The following THSD7B variants were observed in gnomAD, a reference collection of about 807,000 sequenced individuals.
THSD7B encodes thrombospondin type 1 domain containing 7B, also known as thrombospondin type-1 domain-containing protein 7B.
In THSD7B, 138 loss-of-function variants were observed where a neutral mutation model predicts 213.6. The observed-to-expected ratio is 0.65, with a 90% CI of 0.56 to 0.74. The LOEUF (loss-of-function observed/expected upper bound fraction) is 0.74. THSD7B is among the 30% of genes least tolerant of loss of function. The pLI, the probability that THSD7B is intolerant of heterozygous loss-of-function variation, is 0.00. For synonymous variants in THSD7B, 742 were observed against 687.0 expected (o/e 1.08, Z -1.25); for missense variants, 1,931 against 1,991.5 (o/e 0.97, Z 0.58).
chr2:137,575,517 A>C (rs1681440008), intron 17 of THSD7B, among the ~76,000 whole-genome samples: 1 of 152,058 alleles, frequency 6.6e-6, no homozygotes, highest in Non-Finnish European at 1.5e-5. Context: ...CTGACCTGAC[A>C]GTAACTACCA....
At chr2:137,471,886 A>C (rs1387213844) in intron 15 of THSD7B, among the ~76,000 whole-genome samples, 1 of 152,180 alleles carries the variant, frequency 6.6e-6, no homozygotes, top group Non-Finnish European at 1.5e-5. Context: ...ATTTATAATG[A>C]AACTTGTTCT....
intron 12 of THSD7B, among the ~76,000 whole-genome samples, chr2:137,310,004 T>C (rs1683854837): frequency 6.6e-6 from 1 of 151,548 alleles, no homozygotes; most frequent in Non-Finnish European, 1.5e-5. Context: ...TGATTTATAG[T>C]CCTTTGGGTA....
At chr2:137,074,576 C>T (rs1440538444) in intron 3 of THSD7B, among the ~76,000 whole-genome samples, 1 of 152,072 alleles carries the variant, frequency 6.6e-6, no homozygotes, top group Non-Finnish European at 1.5e-5. Flanking sequence ...GAGCGTTTAG[C>T]CCATTTACAT....
At chr2:137,119,821 G>C (rs1688516060) in intron 5 of THSD7B, among the ~76,000 whole-genome samples, 2 of 152,078 alleles carry the variant, frequency 1.3e-5, no homozygotes, top group African/African-American at 4.8e-5. Flanking sequence ...ATGTGTAAAT[G>C]TATCTGACTA....
At chr2:136,793,636 G>A (rs777878086) in intron 1 of THSD7B, among the ~76,000 whole-genome samples, 43 of 151,832 alleles carry the variant, frequency 2.8e-4, no homozygotes, top group Non-Finnish European at 5.0e-4. Flanking sequence ...TCTTGATCAT[G>A]TTGTGTCATC....
intron 15 of THSD7B, among the ~76,000 whole-genome samples, chr2:137,469,592 A>G (rs1688054723): frequency 6.6e-6 from 1 of 152,200 alleles, no homozygotes; most frequent in Middle Eastern, 3.2e-3. Context: ...AGCAGATGTT[A>G]TAAAAGAAAC....
chr2:137,577,406 T>C (rs1573720230), intron 17 of THSD7B, among the ~76,000 whole-genome samples: 1 of 152,134 alleles, frequency 6.6e-6, no homozygotes, highest in East Asian at 1.9e-4. Flanking sequence ...TCTTACACAG[T>C]CTGATTTCTT....
At chr2:137,606,108 C>A (rs1445871619) in intron 17 of THSD7B, among the ~76,000 whole-genome samples, 1 of 152,162 alleles carries the variant, frequency 6.6e-6, no homozygotes, top group South Asian at 2.1e-4. Context: ...GATATTGGCA[C>A]ATTTTCTAAC....
intron 17 of THSD7B, among the ~76,000 whole-genome samples, chr2:137,598,506 T>C (rs1181365182): frequency 2.0e-5 from 3 of 152,218 alleles, no homozygotes; most frequent in Non-Finnish European, 4.4e-5. Flanking sequence ...ACATTTACAC[T>C]GGCTTGTACA....
At chr2:137,672,181 AAT>A (rs1683592534) in intron 27 of THSD7B, among the ~76,000 whole-genome samples, 1 of 152,216 alleles carries the variant, frequency 6.6e-6, no homozygotes, top group African/African-American at 2.4e-5. Flanking sequence ...AAAAAAATCT[AAT>A]ATTTATATGT....
chr2:137,274,758 A>G (rs2104809677), intron 11 of THSD7B, among the ~76,000 whole-genome samples: 1 of 152,212 alleles, frequency 6.6e-6, no homozygotes, highest in East Asian at 1.9e-4. Context: ...AAAATCCCTT[A>G]CCTTTTGGCT....
intron 24 of THSD7B, 45 bp downstream of exon 24, chr2:137,657,205 G>T (rs768655795): frequency 1.3e-6 from 2 of 1,559,778 alleles, no homozygotes; most frequent in South Asian, 1.1e-5. Flanking sequence ...AAACACCCCT[G>T]AGTGTTGTTA....
At chr2:137,219,164 G>C (rs925915609) in intron 7 of THSD7B, among the ~76,000 whole-genome samples, 1 of 152,028 alleles carries the variant, frequency 6.6e-6, no homozygotes, top group African/African-American at 2.4e-5. Context: ...CTAGTCATTA[G>C]ACCCCTGCCA....
intron 10 of THSD7B, among the ~76,000 whole-genome samples, chr2:137,266,456 AGTTTT>A (rs1384275368): frequency 2.0e-5 from 3 of 152,152 alleles, no homozygotes; most frequent in Non-Finnish European, 4.4e-5. Flanking sequence ...GGATGGGTTC[AGTTTT>A]GTTTTTGAGT....
intron 2 of THSD7B, among the ~76,000 whole-genome samples, chr2:136,966,309 C>T (rs1685312651): frequency 6.6e-6 from 1 of 152,054 alleles, no homozygotes; most frequent in Admixed American, 6.6e-5. Context: ...CCTCAGCCCA[C>T]CAGCCTCAAG....
chr2:137,632,184 C>G (rs1573754928), intron 20 of THSD7B, among the ~76,000 whole-genome samples: 1 of 151,946 alleles, frequency 6.6e-6, no homozygotes, highest in East Asian at 1.9e-4. Context: ...GGGTTGCATG[C>G]TATATCACTA....
intron 16 of THSD7B, among the ~76,000 whole-genome samples, chr2:137,564,931 C>A (rs1416270677): frequency 6.6e-6 from 1 of 152,202 alleles, no homozygotes; most frequent in East Asian, 1.9e-4. Flanking sequence ...AGAAGGTGAC[C>A]ATTTGGAAAT....
intron 2 of THSD7B, among the ~76,000 whole-genome samples, chr2:137,024,079 A>G (rs1208022031): frequency 6.6e-6 from 1 of 152,140 alleles, no homozygotes; most frequent in African/African-American, 2.4e-5. Flanking sequence ...ATTTGTTGAA[A>G]AGTCCCTCCT....
At chr2:136,891,675 C>T (rs918472167) in intron 2 of THSD7B, among the ~76,000 whole-genome samples, 4 of 152,196 alleles carry the variant, frequency 2.6e-5, no homozygotes, top group Admixed American at 6.5e-5. Context: ...CTCTGCCCAT[C>T]CAAGCTGGGT....
Sources: gnomAD v4.1 joint callset for allele counts (sites outside exome capture counted in the v4.1 genomes callset) on GRCh38, gnomAD v4.1.1 for gene constraint, MANE v1.5 for transcripts, NCBI Gene and HGNC (gene_info 2026-07-23, HGNC 2026-07-21) for gene names.